The following ANK2 variants were observed in gnomAD, a reference collection of about 807,000 sequenced individuals.
ANK2 encodes the protein ankyrin-2.
A neutral mutation model predicts 360.5 loss-of-function variants in ANK2; 83 were observed. That is an observed-to-expected ratio of 0.23 (90% CI 0.19 to 0.28). ANK2 has a LOEUF of 0.28. ANK2 is among the 10% of genes least tolerant of loss of function. The pLI is 1.00. For synonymous variants in ANK2, 1,740 were observed against 1,759.5 expected (o/e 0.99, Z 0.28); for missense variants, 4,201 against 4,795.7 (o/e 0.88, Z 3.66).
At chr4:112,857,473 G>A (rs1419981195) in intron 1 of ANK2, among the ~76,000 whole-genome samples, 6 of 152,004 alleles carry the variant, frequency 3.9e-5, no homozygotes, top group African/African-American at 1.2e-4. Context: ...GATTTCACAG[G>A]CATATTGAAA....
rs772263458 is a variant in ANK2 at position 113,293,531 on chromosome 4, C to T, written c.2468C>T (p.Thr823Ile). 2.5e-6 allele frequency: 4 copies of T among 1,612,526 alleles called. No homozygotes were observed. The highest frequency in any genetic ancestry group is 2.7e-5 in the African/African-American group (2 of 74,896). The change falls in exon 22 of 46, where the codon ACC becomes ATC. Residue 823 changes from threonine (T) to isoleucine (I), a missense_variant. By Grantham distance (89) the Thr-to-Ile change is moderately conservative. This residue lies in a region of ANK2 where 1,268 missense variants were observed against 1,650.8 expected (regional missense o/e 0.77). Transcript: ENST00000357077. ...LKVVTEEVTT[T>I]TTTITEKHKL... ...GTTGTGACTGAGGAGGTCACCACCA[C>T]CACCACAGTGAGTATGAGTGACTGA...
intron 1 of ANK2, among the ~76,000 whole-genome samples, chr4:113,081,217 C>G (rs563939621): frequency 6.6e-6 from 1 of 152,222 alleles, no homozygotes; most frequent in African/African-American, 2.4e-5. Context: ...ATAGGTAGTA[C>G]CACTTACCAC....
rs1046830314 is a variant in ANK2, at chr4:113,218,732, A to G, written c.385-13429A>G. 7.9e-5 allele frequency among the ~76,000 whole-genome samples: 12 copies of G among 152,316 alleles called. No homozygotes were observed. In the East Asian group the frequency reaches 2.3e-3, roughly 29 times the overall value. On this transcript the variant is annotated intron_variant, in intron 4 of 45. Coordinates refer to ENST00000357077, the MANE Select transcript of ANK2 (RefSeq NM_001148.6). ...TTTTCTCAAAGACAGTTAAGTAGAA[A>G]TAAGAAAACTATTTGGTAGTCATTC...
In ANK2 at chr4:113,254,499, A is replaced by G. The variant is rs113333903; in HGVS notation, c.991-1236A>G. ...CATGCAACACTCCAGTCCAAACGTC[A>G]TCAAGCCTTGAATTTCTTCTACACT... On this transcript the variant is annotated intron_variant, in intron 10 of 45. Coordinates refer to ENST00000357077, the MANE Select transcript of ANK2 (RefSeq NM_001148.6). 4.3e-4 allele frequency among the ~76,000 whole-genome samples: 66 copies of G among 152,348 alleles called. 1 individual carries two copies. Among genetic ancestry groups the G allele is most frequent in the African/African-American group, 1.6e-3 (65 of 41,586 alleles).
the ANK2 span, among the ~76,000 whole-genome samples, chr4:112,710,011 A>G: frequency 6.6e-6 from 1 of 151,724 alleles, no homozygotes; most frequent in South Asian, 2.1e-4. Context: ...AAACATTGAG[A>G]CCTCCCATGT....
chr4:113,224,059 C>T (rs1388641577), intron 4 of ANK2, among the ~76,000 whole-genome samples: 1 of 152,098 alleles, frequency 6.6e-6, no homozygotes, highest in African/African-American at 2.4e-5. Context: ...GAAGATGATC[C>T]AAAAGAGACA....
intron 2 of ANK2, among the ~76,000 whole-genome samples, chr4:112,971,006 T>A (rs899011311): frequency 2.0e-5 from 3 of 151,792 alleles, no homozygotes; most frequent in Admixed American, 2.0e-4. Flanking sequence ...AAAATACAGG[T>A]AAAAGGGGAA....
chr4:113,258,788 T>C (rs1216401429), intron 13 of ANK2, among the ~76,000 whole-genome samples: 2 of 152,240 alleles, frequency 1.3e-5, no homozygotes, highest in Non-Finnish European at 2.9e-5. Context: ...GAGGGAATTG[T>C]ATTCCAGGCA....
chr4:113,116,744 A>C (rs1383263142), intron 1 of ANK2, among the ~76,000 whole-genome samples: 5 of 152,196 alleles, frequency 3.3e-5, no homozygotes, highest in Non-Finnish European at 5.9e-5. Context: ...GCGAGACTGC[A>C]CCATTTTCTT....
chr4:113,203,211 A>G (rs1353959909), intron 4 of ANK2, among the ~76,000 whole-genome samples: 2 of 152,162 alleles, frequency 1.3e-5, no homozygotes, highest in Non-Finnish European at 2.9e-5. Context: ...ATTTCCATTT[A>G]AGCTGTATGG....
At chr4:113,160,599 T>C (rs897270824) in intron 1 of ANK2, among the ~76,000 whole-genome samples, 1 of 152,142 alleles carries the variant, frequency 6.6e-6, no homozygotes, top group African/African-American at 2.4e-5. Flanking sequence ...TCCCTTATAT[T>C]GTTTTTCCCT....
chr4:112,968,989 T>C (rs575456376), intron 2 of ANK2, among the ~76,000 whole-genome samples: 18 of 152,338 alleles, frequency 1.2e-4, no homozygotes, highest in Non-Finnish European at 2.1e-4. Flanking sequence ...ATCAGAATTA[T>C]TCAGCTAGCC....
chr4:113,033,606 CGT>C (rs146311964), intron 2 of ANK2, among the ~76,000 whole-genome samples: 14 of 150,656 alleles, frequency 9.3e-5, no homozygotes, highest in African/African-American at 2.9e-4. Flanking sequence ...TGTGTGTGTG[CGT>C]GTGTGTGTGT....
rs947007893 is a variant in ANK2 at position 113,378,147 on chromosome 4, G to A, written c.11860-3310G>A. On this transcript the variant is annotated intron_variant, in intron 45 of 45. Coordinates refer to ENST00000357077, the MANE Select transcript of ANK2 (RefSeq NM_001148.6). The stretch of plus-strand genomic sequence containing the variant: ...CCACTTACCCAGTTTAGTAGAGAAT[G>A]AAATCCTGAAAGAGGATGGATCAAT... 19 of 1,279,758 alleles carry A rather than the reference G, an allele frequency of 1.5e-5. No homozygotes were observed. The African/African-American group carries it at 2.7e-4, about 18-fold the overall frequency. 79.3% of individuals were successfully genotyped at this position (1,279,758 alleles called of 1,614,324 possible). A position where few individuals can be genotyped will look rare whatever the true frequency, so the allele number is the denominator to read the frequency against.
the ANK2 span, among the ~76,000 whole-genome samples, chr4:112,724,632 A>G: frequency 7.2e-5 from 11 of 151,910 alleles, no homozygotes; most frequent in African/African-American, 2.7e-4. Flanking sequence ...TATCAAAACA[A>G]AACAAAACAA....
At chr4:112,796,084 GCCACAGCA>G in the ANK2 span, among the ~76,000 whole-genome samples, 1 of 152,116 alleles carries the variant, frequency 6.6e-6, no homozygotes, top group African/African-American at 2.4e-5. Context: ...GCAAGCATGA[GCCACAGCA>G]CCTGGCTGAG....
chr4:113,118,021 T>G (rs1408744763), intron 1 of ANK2, among the ~76,000 whole-genome samples: 5 of 152,228 alleles, frequency 3.3e-5, no homozygotes, highest in Non-Finnish European at 1.5e-5. Flanking sequence ...CTATCATTAA[T>G]CCTTTAATTT....
At chr4:113,049,088 G>C (rs2065813189), upstream of ANK2, among the ~76,000 whole-genome samples, 1 of 152,190 alleles carries the variant, frequency 6.6e-6, no homozygotes, top group Admixed American at 6.5e-5. Context: ...CAGGAGAAGA[G>C]AGTGGTTGGG....
At chr4:113,278,258 C>T (rs1477589754) in intron 16 of ANK2, among the ~76,000 whole-genome samples, 1 of 152,110 alleles carries the variant, frequency 6.6e-6, no homozygotes, top group Admixed American at 6.5e-5. Context: ...ATCCCCTTTG[C>T]TGGTGGTATG....
Sources: allele counts gnomAD v4.1 joint callset (sites outside exome capture counted in the v4.1 genomes callset), GRCh38; gene constraint gnomAD v4.1.1; regional missense constraint gnomAD v4.1.1; transcripts MANE v1.5; gene names NCBI Gene and HGNC (gene_info 2026-07-23, HGNC 2026-07-21).